HMGCLL1: variants seen among roughly 807,000 people sequenced by gnomAD.
HMGCLL1 encodes 3-hydroxymethyl-3-methylglutaryl-CoA lyase, cytoplasmic.
In HMGCLL1, 36 loss-of-function variants were observed where a neutral mutation model predicts 39.1. The observed-to-expected ratio is 0.92, with a 90% CI of 0.71 to 1.22. The LOEUF is 1.22. HMGCLL1 is among the 50% of genes most tolerant of loss of function. The pLI is 0.00. For synonymous variants in HMGCLL1, 149 were observed against 144.0 expected (o/e 1.03, Z -0.25); for missense variants, 451 against 416.5 (o/e 1.08, Z -0.72).
intron 7 of HMGCLL1, among the ~76,000 whole-genome samples, chr6:55,455,357 A>G (rs927837181): frequency 1.7e-4 from 24 of 145,272 alleles, no homozygotes; most frequent in Non-Finnish European, 2.9e-4. Context: ...CTGTGAATAT[A>G]TAAAATAATT....
chr6:55,619,082 C>G, the HMGCLL1 span, among the ~76,000 whole-genome samples: 1 of 152,024 alleles, frequency 6.6e-6, no homozygotes, highest in African/African-American at 2.4e-5. Flanking sequence ...TGTCAGCAGG[C>G]CTCCAGAGCA....
At chr6:55,591,815 T>G in the HMGCLL1 span, among the ~76,000 whole-genome samples, 1 of 151,872 alleles carries the variant, frequency 6.6e-6, no homozygotes. Flanking sequence ...CTTACTAGAA[T>G]GCCATCATTC....
chr6:55,435,427 A>C lies in HMGCLL1; in HGVS notation c.*235T>G, dbSNP rs554794971. The C allele has an allele frequency of 1.6e-4, 55 of 345,922 alleles. No homozygotes were observed. The highest frequency in any genetic ancestry group is 1.6e-3 in the Middle Eastern group (2 of 1,220). The allele number at this position is 345,922 out of a possible 1,614,324, so 21.4% of individuals were successfully genotyped here. On this transcript the variant is annotated 3_prime_UTR_variant, in exon 9 of 9. Transcript: ENST00000274901. ...ATGAGAGCAAAAGAAACTTTTTTCC[A>C]AGTTCAAAATTATGACAAGTTTTAT...
the HMGCLL1 span, among the ~76,000 whole-genome samples, chr6:55,645,733 C>T: frequency 3.3e-5 from 5 of 151,900 alleles, no homozygotes; most frequent in Admixed American, 1.3e-4. Context: ...ATCCTTGCAT[C>T]CTTGGGATAA....
At chr6:55,615,934 C>T in the HMGCLL1 span, among the ~76,000 whole-genome samples, 3 of 151,880 alleles carry the variant, frequency 2.0e-5, no homozygotes, top group Non-Finnish European at 4.4e-5. Context: ...CTGAAAAGAC[C>T]CTGCCCTATC....
chr6:55,533,463 G>C (rs1273810284), intron 3 of HMGCLL1, among the ~76,000 whole-genome samples: 2 of 152,132 alleles, frequency 1.3e-5, no homozygotes, highest in African/African-American at 4.8e-5. Context: ...TTCATTTCTA[G>C]AGTACATTGA....
In HMGCLL1 at chr6:55,496,725, A is replaced by G. The variant is rs1422913534; in HGVS notation, c.607-1118T>C. On this transcript the variant is annotated intron_variant, in intron 6 of 8. Transcript: ENST00000274901. ...GCAGAAAAAAGTCATGACATGAGAG[A>G]AAGCTGAATTGCTCAATACGCATCA... is the stretch of plus-strand genomic sequence containing the variant. 2.6e-5 allele frequency among the ~76,000 whole-genome samples: 4 copies of G among 151,456 alleles called. No individual in the cohort carries two copies. In the East Asian group the frequency reaches 7.7e-4, roughly 29 times the overall value.
At position 55,454,353 on chromosome 6, in the gene HMGCLL1, T is replaced by A. The variant is rs75013348; in HGVS notation, c.796-14794A>T. Among the ~76,000 whole-genome samples the A allele has an allele frequency of 2.7e-3, 406 of 152,204 alleles. 1 individual carries two copies. The highest frequency in any genetic ancestry group is 8.9e-3 in the African/African-American group (369 of 41,524). On this transcript the variant is annotated intron_variant, in intron 7 of 8. Transcript: ENST00000274901. ...GAGACTGGTCTTGCTTTCAAAGGTG[T>A]ATACTGGAGGGCATACAAGACTCAG...
At chr6:55,667,192 G>T in the HMGCLL1 span, among the ~76,000 whole-genome samples, 1 of 151,694 alleles carries the variant, frequency 6.6e-6, no homozygotes, top group East Asian at 1.9e-4. Flanking sequence ...CACTTGCAAA[G>T]AGTGCATCAC....
At chr6:55,673,039 A>G in the HMGCLL1 span, among the ~76,000 whole-genome samples, 1 of 152,002 alleles carries the variant, frequency 6.6e-6, no homozygotes, top group Non-Finnish European at 1.5e-5. Context: ...AGAAATAAAA[A>G]GAAGTCCCTT....
At chr6:55,485,233 T>C (rs1171665853) in intron 7 of HMGCLL1, among the ~76,000 whole-genome samples, 2 of 152,152 alleles carry the variant, frequency 1.3e-5, no homozygotes, top group Non-Finnish European at 2.9e-5. Context: ...TGTATCTTAC[T>C]GCACTTTCTC....
chr6:55,440,263 A>G (rs1341104680), intron 7 of HMGCLL1, among the ~76,000 whole-genome samples: 3 of 152,170 alleles, frequency 2.0e-5, no homozygotes, highest in African/African-American at 7.2e-5. Context: ...CATGAAGTAG[A>G]TACTCTTGTA....
In HMGCLL1 at chr6:55,442,949, C is replaced by A. The variant is rs918629870; in HGVS notation, c.796-3390G>T. The stretch of plus-strand genomic sequence containing the variant: ...GCATTTCTTTACTTATAGGTTAAAA[C>A]TGATCTATTCAGTGGATCTGAATGT... On this transcript the variant is annotated intron_variant, in intron 7 of 8. Transcript: ENST00000274901. Among the ~76,000 whole-genome samples, 6 of 152,158 alleles carry A rather than the reference C, an allele frequency of 3.9e-5. No homozygotes were observed. In the South Asian group the frequency reaches 1.2e-3, roughly 31 times the overall value.
rs188515596 is a variant in HMGCLL1 at position 55,502,119 on chromosome 6, C to A, written c.543-2820G>T. Among the ~76,000 whole-genome samples the A allele has an allele frequency of 6.6e-5, 10 of 151,940 alleles. No homozygotes were observed. In the East Asian group the frequency reaches 1.7e-3, roughly 26 times the overall value. On this transcript the variant is annotated intron_variant, in intron 5 of 8. Transcript: ENST00000274901. Reference sequence around the variant, plus strand: ...TAGATGTTGCAGACTGTTTTGTCAGCAAATGGTTTCATTTCATCTTCATTC... The same window carrying A: ...TAGATGTTGCAGACTGTTTTGTCAGAAAATGGTTTCATTTCATCTTCATTC...
chr6:55,609,410 G>A, the HMGCLL1 span, among the ~76,000 whole-genome samples: 1 of 152,124 alleles, frequency 6.6e-6, no homozygotes, highest in African/African-American at 2.4e-5. Context: ...CACTGGCTGT[G>A]GCACCCCATG....
chr6:55,590,514 C>G, the HMGCLL1 span, among the ~76,000 whole-genome samples: 3 of 152,080 alleles, frequency 2.0e-5, 1 homozygote, highest in East Asian at 5.8e-4. Context: ...GTCTAAAACA[C>G]TAAAAGCAAT....
chr6:55,444,989 A>C (rs1008105882), intron 7 of HMGCLL1, among the ~76,000 whole-genome samples: 1 of 152,020 alleles, frequency 6.6e-6, no homozygotes, highest in Non-Finnish European at 1.5e-5. Context: ...ATTCTCTTTC[A>C]GTAAGCTCTA....
intron 3 of HMGCLL1, among the ~76,000 whole-genome samples, chr6:55,518,599 T>C (rs918529339): frequency 1.3e-5 from 2 of 152,142 alleles, no homozygotes; most frequent in African/African-American, 2.4e-5. Flanking sequence ...CATATGGCTT[T>C]CTCTTTTGGG....
At chr6:55,626,674 C>A in the HMGCLL1 span, among the ~76,000 whole-genome samples, 3 of 151,974 alleles carry the variant, frequency 2.0e-5, no homozygotes, top group Admixed American at 6.6e-5. Context: ...CCTGTTCCTG[C>A]GACATTATGT....
Sources: gnomAD v4.1 joint callset for allele counts (sites outside exome capture counted in the v4.1 genomes callset) on GRCh38, gnomAD v4.1.1 for gene constraint, MANE v1.5 for transcripts, NCBI Gene and HGNC (gene_info 2026-07-23, HGNC 2026-07-21) for gene names.